PRH1: variants seen among roughly 807,000 people sequenced by gnomAD.
The protein encoded by PRH1 is salivary acidic proline-rich phosphoprotein 1/2.
In PRH1, 7 loss-of-function variants were observed where a neutral mutation model predicts 7.9. That is an observed-to-expected ratio of 0.89 (90% CI 0.50 to 1.67). The LOEUF (loss-of-function observed/expected upper bound fraction) is 1.67, where lower values mean the gene tolerates loss of function less well. Ranked by LOEUF, PRH1 falls within the 40% of genes most tolerant of loss-of-function variation. PRH1 has a pLI of 0.00. For synonymous variants in PRH1, 45 were observed against 80.8 expected (o/e 0.56, Z 2.38); for missense variants, 109 against 223.6 (o/e 0.49, Z 3.27).
chr12:11,017,643 C>A (rs1941361454), intron 1 of PRH1, among the ~76,000 whole-genome samples: 1 of 151,958 alleles, frequency 6.6e-6, no homozygotes, highest in African/African-American at 2.4e-5. Flanking sequence ...GGCCACCATG[C>A]CTGGCTAAAT....
At chr12:11,157,887 T>C (rs1470157021) in intron 1 of PRH1, among the ~76,000 whole-genome samples, 1 of 152,242 alleles carries the variant, frequency 6.6e-6, no homozygotes, top group Non-Finnish European at 1.5e-5. Flanking sequence ...ATGTGATAGA[T>C]GTGACCTCAC....
At chr12:10,903,956 A>AAAAAAAAAAAAAAAAAAAAAAAAAAAAC (rs1223767693) in intron 2 of PRH1, among the ~76,000 whole-genome samples, 1 of 145,210 alleles carries the variant, frequency 6.9e-6, no homozygotes, top group Non-Finnish European at 1.5e-5. Context: ...AAAAAAAAAC[A>AAAAAAAAAAAAAAAAAAAAAAAAAAAAC]ACTAGGACTA....
intron 2 of PRH1, among the ~76,000 whole-genome samples, chr12:10,971,943 T>C (rs1458218783): frequency 6.6e-6 from 1 of 152,168 alleles, no homozygotes; most frequent in Non-Finnish European, 1.5e-5. Flanking sequence ...TTATTAAATT[T>C]TCTAATCATT....
chr12:11,076,432 T>TTTA (rs1352474128), intron 1 of PRH1, among the ~76,000 whole-genome samples: 14 of 127,484 alleles, frequency 1.1e-4, no homozygotes, highest in Middle Eastern at 3.9e-3. Flanking sequence ...GGACTTTTTT[T>TTTA]AAGATAGAGA....
chr12:11,016,039 G>T (rs942278939), intron 1 of PRH1, among the ~76,000 whole-genome samples: 1 of 152,168 alleles, frequency 6.6e-6, no homozygotes, highest in Non-Finnish European at 1.5e-5. Flanking sequence ...CCAGGAAATG[G>T]ACTTGGAACT....
chr12:10,899,533 G>A (rs1178245319), intron 2 of PRH1, among the ~76,000 whole-genome samples: 1 of 152,142 alleles, frequency 6.6e-6, no homozygotes, highest in Non-Finnish European at 1.5e-5. Flanking sequence ...AGGGGAATGA[G>A]TTGTTTTTCA....
At chr12:11,065,419 G>T (rs1943764719) in intron 1 of PRH1, among the ~76,000 whole-genome samples, 1 of 127,058 alleles carries the variant, frequency 7.9e-6, no homozygotes, top group Admixed American at 8.4e-5. Flanking sequence ...TAATCTTCTG[G>T]AACTGCAGAA....
intron 1 of PRH1, among the ~76,000 whole-genome samples, chr12:11,137,895 T>A (rs892989223): frequency 1.3e-5 from 2 of 152,166 alleles, no homozygotes; most frequent in African/African-American, 4.8e-5. Flanking sequence ...TTGATAAATG[T>A]GATTTCAGTC....
chr12:11,101,531 T>G (rs984625241), intron 1 of PRH1, among the ~76,000 whole-genome samples: 8 of 152,172 alleles, frequency 5.3e-5, no homozygotes, highest in Non-Finnish European at 8.8e-5. Flanking sequence ...CTTGGATTTC[T>G]TAGTACCATA....
intron 2 of PRH1, among the ~76,000 whole-genome samples, chr12:10,889,950 C>A (rs1414638602): frequency 6.6e-6 from 1 of 152,092 alleles, no homozygotes. Flanking sequence ...AGGATGGGTA[C>A]AACAGCTCCT....
At chr12:11,165,056 T>C (rs927437486) in intron 1 of PRH1, among the ~76,000 whole-genome samples, 10 of 152,200 alleles carry the variant, frequency 6.6e-5, no homozygotes, top group Non-Finnish European at 1.5e-4. Context: ...TTTAGAGTCA[T>C]TTGTTGTTGC....
chr12:11,084,240 A>G (rs1944603050), intron 1 of PRH1, among the ~76,000 whole-genome samples: 1 of 80,428 alleles, frequency 1.2e-5, no homozygotes, highest in African/African-American at 3.9e-5. Context: ...GCCAAAGTAA[A>G]GATGCCTTGC....
intron 1 of PRH1, among the ~76,000 whole-genome samples, chr12:10,983,588 T>C (rs1244951409): frequency 6.6e-6 from 1 of 152,184 alleles, no homozygotes; most frequent in African/African-American, 2.4e-5. Flanking sequence ...GAGATGGTAG[T>C]TCTGCCTCAG....
At position 11,133,503 on chromosome 12, in the gene PRH1, A is replaced by C. The variant is rs199802803; in HGVS notation, n.40-12323T>G. The stretch of plus-strand genomic sequence containing the variant: ...TCCAGCCTCCCAAAATTACAAACTG[A>C]TATGATCATGGACAGAAAGTAAATG... On this transcript the variant is annotated intron_variant and non_coding_transcript_variant, in intron 1 of 1. Transcript: ENST00000541175. The C allele has an allele frequency of 1.4e-5, 22 of 1,614,050 alleles. No individual in the cohort carries two copies. The African/African-American group carries it at 2.9e-4, about 22-fold the overall frequency.
chr12:10,953,174 C>G (rs780592216), intron 2 of PRH1, among the ~76,000 whole-genome samples: 4 of 151,782 alleles, frequency 2.6e-5, no homozygotes, highest in Non-Finnish European at 5.9e-5. Flanking sequence ...TATCAGCCCA[C>G]AGAGATGAGA....
chr12:11,136,806 C>T (rs1296748542), intron 1 of PRH1, among the ~76,000 whole-genome samples: 2 of 152,130 alleles, frequency 1.3e-5, no homozygotes, highest in African/African-American at 4.8e-5. Context: ...GGGGCAGGAG[C>T]ACCCAGGAGT....
chr12:11,010,019 T>A (rs927841043), intron 1 of PRH1, among the ~76,000 whole-genome samples: 1 of 151,968 alleles, frequency 6.6e-6, no homozygotes, highest in African/African-American at 2.4e-5. Flanking sequence ...CATGAAACAG[T>A]TTAATTGCCT....
chr12:11,151,122 T>C (rs1947067303), intron 1 of PRH1, among the ~76,000 whole-genome samples: 1 of 152,192 alleles, frequency 6.6e-6, no homozygotes, highest in Non-Finnish European at 1.5e-5. Context: ...CCCTCAGTCA[T>C]TAAGCCTGAT....
At chr12:10,997,973 T>TG in intron 1 of PRH1, 1 of 740,228 alleles carries the variant, frequency 1.4e-6, no homozygotes, top group Admixed American at 3.0e-5. Context: ...ACTTGATTCC[T>TG]GAATGTCCAA....
Sources: allele counts gnomAD v4.1 joint callset (sites outside exome capture counted in the v4.1 genomes callset), GRCh38; gene constraint gnomAD v4.1.1; transcripts MANE v1.5; gene names NCBI Gene and HGNC (gene_info 2026-07-23, HGNC 2026-07-21).